TTLL2: variants seen among roughly 807,000 people sequenced by gnomAD.
TTLL2 encodes tubulin tyrosine ligase like 2.
In TTLL2, 10 loss-of-function variants were observed where a neutral mutation model predicts 7.5. The observed-to-expected ratio is 1.33, with a 90% CI of 0.82 to 2.25. The LOEUF (loss-of-function observed/expected upper bound fraction) is 2.25, where lower values mean the gene tolerates loss of function less well. Ranked by LOEUF, TTLL2 falls within the 30% of genes most tolerant of loss-of-function variation. TTLL2 has a pLI of 0.00. For synonymous variants in TTLL2, 284 were observed against 280.3 expected (o/e 1.01, Z -0.13); for missense variants, 733 against 735.7 (o/e 1.00, Z 0.04).
chr6:167,335,283 A>G (rs1428165130), intron 1 of TTLL2, among the ~76,000 whole-genome samples: 1 of 150,482 alleles, frequency 6.6e-6, no homozygotes, highest in African/African-American at 2.5e-5. Flanking sequence ...TCCATCTCAC[A>G]CCAGTTAGAA....
At position 167,338,740 on chromosome 6, in the gene TTLL2, A is replaced by G. The variant is rs1779026305; in HGVS notation, c.141A>G (p.Leu47=). The stretch of plus-strand genomic sequence containing the variant: ...CGCCTGCAGGCCTGGGAGCAAGGCT[A>G]CAGGAAGCAGGTGTTTCCATCCCTC... ...EQPPAGLGAR[L]QEAGVSIPPR... The change falls in exon 2 of 3, where the codon CTA becomes CTG. Residue 47 remains leucine, a synonymous_variant. Transcript: ENST00000239587. 2.5e-6 allele frequency: 4 copies of G among 1,613,962 alleles called. No individual in the cohort carries two copies. The highest frequency in any genetic ancestry group is 1.1e-5 in the South Asian group (1 of 91,078).
In TTLL2 at chr6:167,341,395, C is replaced by T; in HGVS notation, c.1495C>T (p.Leu499=). ...AGAGATGAGTGGGCAGGATTTTCAT[C>T]TGTCAACAAGGGAGATGCCACAAAG... ...EGEMSGQDFH[L]STREMPQSKP... Residue 499 remains leucine, a synonymous_variant, in exon 3 of 3, where the codon CTG becomes TTG. Coordinates refer to ENST00000239587, the MANE Select transcript of TTLL2 (RefSeq NM_031949.5). 6.2e-7 allele frequency: 1 copy of T among 1,613,954 alleles called. No individual in the cohort carries two copies. The highest frequency in any genetic ancestry group is 2.2e-5 in the East Asian group (1 of 44,832).
rs752651935 is a variant in TTLL2 at position 167,340,947 on chromosome 6, T to C, written c.1047T>C (p.Val349=). 1 of 1,614,134 alleles carries C rather than the reference T, an allele frequency of 6.2e-7. No individual in the cohort carries two copies. Among genetic ancestry groups the C allele is most frequent in the East Asian group, 2.2e-5 (1 of 44,878 alleles). The change falls in exon 3 of 3, where the codon GTT becomes GTC. Residue 349 remains valine (V), a synonymous_variant. Transcript: ENST00000239587. ...LLLWKKIHRM[V]ILTILAIAPS... ...TGTGGAAGAAAATCCACCGCATGGT[T>C]ATTCTCACCATTCTCGCCATTGCAC...
In TTLL2 at chr6:167,340,539, T is replaced by C. The variant is rs1779067907; in HGVS notation, c.639T>C (p.Pro213=). Residue 213 remains proline (P), a synonymous_variant, in exon 3 of 3, where the codon CCT becomes CCC. Transcript: ENST00000239587. Reference sequence around the variant, plus strand: ...AGCATAGCTATTGGATTTGCAAGCCTGCTGAGTTATCTCGTGGGAGGGGGA... The same window carrying C: ...AGCATAGCTATTGGATTTGCAAGCCCGCTGAGTTATCTCGTGGGAGGGGGA... ...GTKHSYWICK[P]AELSRGRGIL... 3 of 1,614,082 alleles carry C rather than the reference T, an allele frequency of 1.9e-6. No individual in the cohort carries two copies. In the South Asian group the frequency reaches 3.3e-5, roughly 18 times the overall value.
At chr6:167,329,724 C>A (rs115183968) in intron 1 of TTLL2, among the ~76,000 whole-genome samples, 7,153 of 152,114 alleles carry the variant, frequency 0.047, 403 homozygotes, top group African/African-American at 0.12. Context: ...GCCTTCAGGG[C>A]CTAGCCAGGA....
chr6:167,341,416 C>A lies in TTLL2; in HGVS notation c.1516C>A (p.Gln506Lys). 1.2e-6 allele frequency: 2 copies of A among 1,614,010 alleles called. No individual in the cohort carries two copies. Among genetic ancestry groups the A allele is most frequent in the South Asian group, 1.1e-5 (1 of 91,064 alleles). ...DFHLSTREMP[Q>K]SKPKLRSRHT... is the part of the protein sequence containing the mutation. ...TCATCTGTCAACAAGGGAGATGCCACAAAGCAAGCCCAAGTTACGGAGCAG... is the reference window on the plus strand; with the variant it reads ...TCATCTGTCAACAAGGGAGATGCCAAAAAGCAAGCCCAAGTTACGGAGCAG... The change falls in exon 3 of 3, where the codon CAA becomes AAA. Residue 506 changes from glutamine to lysine, a missense_variant. Physicochemically the swap from Gln to Lys is moderately conservative, Grantham distance 53. Transcript: ENST00000239587.
chr6:167,332,194 C>A (rs59587025), intron 1 of TTLL2, among the ~76,000 whole-genome samples: 3 of 152,094 alleles, frequency 2.0e-5, no homozygotes, highest in Admixed American at 2.0e-4. Flanking sequence ...AAGTGAGGCA[C>A]GGAAAATGGA....
chr6:167,330,834 G>A (rs1328600220), intron 1 of TTLL2, among the ~76,000 whole-genome samples: 2 of 152,172 alleles, frequency 1.3e-5, no homozygotes, highest in Non-Finnish European at 2.9e-5. Context: ...GTGAGGGAGA[G>A]CGTTTGGGGT....
chr6:167,328,917 C>T (rs1778881763), intron 1 of TTLL2, among the ~76,000 whole-genome samples: 1 of 152,140 alleles, frequency 6.6e-6, no homozygotes, highest in Non-Finnish European at 1.5e-5. Flanking sequence ...TCTGAATGTG[C>T]ACTCCCTTCC....
chr6:167,337,310 T>G (rs1357771057), intron 1 of TTLL2, among the ~76,000 whole-genome samples: 1 of 152,166 alleles, frequency 6.6e-6, no homozygotes, highest in African/African-American at 2.4e-5. Context: ...TGGGCAGCCC[T>G]GGGAAGGGGC....
In TTLL2 at chr6:167,340,682, G is replaced by A; in HGVS notation, c.782G>A (p.Cys261Tyr). 6.2e-7 allele frequency: 1 copy of A among 1,614,186 alleles called. No homozygotes were observed. The highest frequency in any genetic ancestry group is 8.5e-7 in the Non-Finnish European group (1 of 1,180,034). ...RYKCDLRIYVCVTGFKPLTIY... is the reference protein window; with the variant it reads ...RYKCDLRIYVYVTGFKPLTIY... ...AAATGTGATCTCCGCATCTATGTTTGTGTTACTGGCTTTAAGCCTTTGACC... is the reference window on the plus strand; with the variant it reads ...AAATGTGATCTCCGCATCTATGTTTATGTTACTGGCTTTAAGCCTTTGACC... The change falls in exon 3 of 3, where the codon TGT becomes TAT. Residue 261 changes from cysteine (C) to tyrosine (Y), a missense_variant. Coordinates refer to ENST00000239587, the MANE Select transcript of TTLL2 (RefSeq NM_031949.5).
chr6:167,334,418 C>T (rs575059128), intron 1 of TTLL2, among the ~76,000 whole-genome samples: 2,101 of 149,664 alleles, frequency 0.014, 49 homozygotes, highest in African/African-American at 0.051. Context: ...AATGTATATT[C>T]TGTTGATTTG....
At chr6:167,332,878 C>A (rs1423684202) in intron 1 of TTLL2, among the ~76,000 whole-genome samples, 1 of 108,846 alleles carries the variant, frequency 9.2e-6, no homozygotes, top group East Asian at 2.4e-4. Context: ...ACAATCATGT[C>A]GTCTGCAAAC....
rs1486510286 is a variant in TTLL2 at position 167,340,882 on chromosome 6, T to C, written c.982T>C (p.Phe328Leu). ...TTGTAAATGGACGCTCAGCAGATTT[T>C]TTTCCTACCTTCGTAGCTGGGATGT... ...HGCKWTLSRF[F>L]SYLRSWDVDD... The change falls in exon 3 of 3, where the codon TTT (phenylalanine) becomes CTT (leucine). Residue 328 changes from phenylalanine to leucine, a missense_variant. Phe to Leu is a conservative substitution (Grantham distance 22). Coordinates refer to ENST00000239587, the MANE Select transcript of TTLL2 (RefSeq NM_031949.5). 6.2e-7 allele frequency: 1 copy of C among 1,614,170 alleles called. No homozygotes were observed. Among genetic ancestry groups the C allele is most frequent in the Non-Finnish European group, 8.5e-7 (1 of 1,180,026 alleles).
intron 1 of TTLL2, among the ~76,000 whole-genome samples, chr6:167,329,759 CA>C (rs1562369801): frequency 6.6e-6 from 1 of 152,162 alleles, no homozygotes; most frequent in Non-Finnish European, 1.5e-5. Flanking sequence ...TCAAGTGCCC[CA>C]GACCCTGTGG....
At chr6:167,327,888 C>A in intron 1 of TTLL2, 2 of 408,054 alleles carry the variant, frequency 4.9e-6, no homozygotes, top group South Asian at 1.8e-5. Flanking sequence ...TATTCATTGG[C>A]GGATGTTTTC....
At chr6:167,330,450 A>G (rs1020416552) in intron 1 of TTLL2, among the ~76,000 whole-genome samples, 1 of 151,978 alleles carries the variant, frequency 6.6e-6, no homozygotes, top group African/African-American at 2.4e-5. Context: ...AATCCCAACT[A>G]CTTGAGAGGC....
intron 1 of TTLL2, among the ~76,000 whole-genome samples, chr6:167,325,918 G>T (rs1017283423): frequency 2.0e-5 from 3 of 152,156 alleles, no homozygotes; most frequent in African/African-American, 7.2e-5. Flanking sequence ...TGTCACATGC[G>T]AGCGGGAAGC....
intron 1 of TTLL2, among the ~76,000 whole-genome samples, chr6:167,331,506 C>T (rs552027406): frequency 2.0e-5 from 3 of 152,224 alleles, no homozygotes; most frequent in Admixed American, 6.5e-5. Flanking sequence ...TAAGAACATG[C>T]GGTGTTTAAC....
Sources: gnomAD v4.1 joint callset for allele counts (sites outside exome capture counted in the v4.1 genomes callset) on GRCh38, gnomAD v4.1.1 for gene constraint, MANE v1.5 for transcripts, NCBI Gene and HGNC (gene_info 2026-07-23, HGNC 2026-07-21) for gene names.